Variants in PRR35 observed in about 807,000 individuals in gnomAD.
PRR35 encodes the protein proline-rich protein 35.
A neutral mutation model predicts 18.6 loss-of-function variants in PRR35; 14 were observed. The observed-to-expected ratio is 0.75, with a 90% CI of 0.50 to 1.18. PRR35 has a LOEUF of 1.18. PRR35 is among the 50% of genes most tolerant of loss of function. PRR35 has a pLI of 0.00. For missense variants in PRR35, 832 were observed against 792.2 expected (o/e 1.05, Z -0.60); for synonymous variants, 425 against 378.2 (o/e 1.12, Z -1.43).
rs200978755 is a variant in PRR35 at position 565,243 on chromosome 16, C to A, written c.1652C>A (p.Thr551Lys). Reference protein sequence around the residue: ...PGSGWGTCVATRSSQTPEAVC... With the variant: ...PGSGWGTCVAKRSSQTPEAVC... ...AGTGGCTGGGGCACCTGTGTTGCGACGAGGAGTTCCCAGACCCCTGAGGCT... is the reference window on the plus strand; with the variant it reads ...AGTGGCTGGGGCACCTGTGTTGCGAAGAGGAGTTCCCAGACCCCTGAGGCT... The change falls in exon 3 of 3, where the codon ACG (threonine) becomes AAG (lysine). Residue 551 changes from threonine (T) to lysine (K), a missense_variant. Thr to Lys is a moderately conservative substitution (Grantham distance 78). Transcript: ENST00000409413. The A allele has an allele frequency of 1.9e-6, 3 of 1,600,802 alleles. No homozygotes were observed. Among genetic ancestry groups the A allele is most frequent in the Non-Finnish European group, 2.6e-6 (3 of 1,174,278 alleles).
Position 563,495 on chromosome 16 carries a change from G to T in PRR35, c.201G>T (p.Leu67=), listed in dbSNP as rs867681258. 2.5e-6 allele frequency: 4 copies of T among 1,612,418 alleles called. No individual in the cohort carries two copies. In the Middle Eastern group the frequency reaches 6.6e-4, roughly 266 times the overall value. ...GCCTCTGCAAGGACTCCCTGTCCCT[G>T]CTGCTAGACTCCCCAGACTGGGCGT... ...KYSLCKDSLS[L]LLDSPDWACR... is the part of the protein sequence containing the mutation. Residue 67 remains leucine (L), a synonymous_variant, in exon 2 of 3, where the codon CTG becomes CTT. Coordinates refer to ENST00000409413, the MANE Select transcript of PRR35 (RefSeq NM_145270.3).
Position 563,601 on chromosome 16 carries a change from C to A in PRR35, c.307C>A (p.Gln103Lys). 1.3e-6 allele frequency: 2 copies of A among 1,593,230 alleles called. No individual in the cohort carries two copies. Among genetic ancestry groups the A allele is most frequent in the Non-Finnish European group, 1.7e-6 (2 of 1,173,888 alleles). ...GGAGTCCGACCCCGGCAGGCAACCC[C>A]AGGGAGCACGGCCCACAGGTGCTGC... ...PGESDPGRQPQGARPTGAAPA... is the reference protein window; with the variant it reads ...PGESDPGRQPKGARPTGAAPA... The change falls in exon 2 of 3, where the codon CAG becomes AAG. Residue 103 changes from glutamine to lysine, a missense_variant. Gln to Lys is a moderately conservative substitution (Grantham distance 53). Around this residue, in one of 3 missense-constraint regions of PRR35, gnomAD observed 768 missense variants for 704.1 expected, o/e 1.09. Coordinates refer to ENST00000409413, the MANE Select transcript of PRR35 (RefSeq NM_145270.3).
Position 564,073 on chromosome 16 carries a change from C to T in PRR35, c.779C>T (p.Pro260Leu), listed in dbSNP as rs754406002. 2.5e-5 allele frequency: 38 copies of T among 1,549,382 alleles called. No homozygotes were observed. The highest frequency in any genetic ancestry group is 5.5e-5 in the African/African-American group (4 of 73,392). Residue 260 changes from proline to leucine, a missense_variant, in exon 2 of 3, where the codon CCG becomes CTG. Transcript: ENST00000409413. ...PAVQPPQRPT[P>L]APRLYYPLLL... The stretch of plus-strand genomic sequence containing the variant: ...GTGCAGCCCCCTCAGCGCCCCACCC[C>T]GGCCCCCCGCCTGTACTACCCGCTG...
chr16:563,410 G>A lies in PRR35; in HGVS notation c.116G>A (p.Cys39Tyr). 6.2e-7 allele frequency: 1 copy of A among 1,612,514 alleles called. No individual in the cohort carries two copies. The highest frequency in any genetic ancestry group is 8.5e-7 in the Non-Finnish European group (1 of 1,179,710). The change falls in exon 2 of 3, where the codon TGC becomes TAC. Residue 39 changes from cysteine (C) to tyrosine (Y), a missense_variant. This residue lies in a region of PRR35 where 56 missense variants were observed against 64.8 expected (regional missense o/e 0.86). Transcript: ENST00000409413. ...RPWGKPYNYK[C>Y]FQCPFTCLEK... Reference sequence around the variant, plus strand: ...TGGGGCAAACCCTACAACTACAAATGCTTCCAGTGCCCCTTCACCTGCCTG... The same window carrying A: ...TGGGGCAAACCCTACAACTACAAATACTTCCAGTGCCCCTTCACCTGCCTG...
In PRR35 at chr16:564,721, C is replaced by A; in HGVS notation, c.1130C>A (p.Pro377Gln). 6.5e-7 allele frequency: 1 copy of A among 1,534,010 alleles called. No individual in the cohort carries two copies. Among genetic ancestry groups the A allele is most frequent in the Non-Finnish European group, 8.7e-7 (1 of 1,146,478 alleles). Residue 377 changes from proline to glutamine, a missense_variant, in exon 3 of 3, where the codon CCA (proline) becomes CAA (glutamine). Pro to Gln is a moderately conservative substitution (Grantham distance 76). Coordinates refer to ENST00000409413, the MANE Select transcript of PRR35 (RefSeq NM_145270.3). ...ATGCTGTGGCCTGAGGACGGGGATC[C>A]AGGCGGCCCTGAGACCCCCGGCCCT... Reference protein sequence around the residue: ...SVMLWPEDGDPGGPETPGPEG... With the variant: ...SVMLWPEDGDQGGPETPGPEG...
intron 1 of PRR35, 68 bp downstream of exon 1, chr16:560,729 G>T (rs1313768600): frequency 1.0e-6 from 1 of 962,732 alleles, no homozygotes; most frequent in East Asian, 1.2e-4. Context: ...GCGGGGCGCG[G>T]GGGCAGCGGG....
Position 563,378 on chromosome 16 carries a change from G to T in PRR35, c.84G>T (p.Pro28=), listed in dbSNP as rs371845058. The T allele has an allele frequency of 3.0e-5, 48 of 1,612,214 alleles. No individual in the cohort carries two copies. Among genetic ancestry groups the T allele is most frequent in the Non-Finnish European group, 3.9e-5 (46 of 1,179,684 alleles). ...AGCCCAAGAAGCCACACTACATCCC[G>T]CGGCCCTGGGGCAAACCCTACAACT... is the stretch of plus-strand genomic sequence containing the variant. ...SRKPKKPHYI[P]RPWGKPYNYK... Residue 28 remains proline (P), a synonymous_variant, in exon 2 of 3, where the codon CCG becomes CCT. Coordinates refer to ENST00000409413, the MANE Select transcript of PRR35 (RefSeq NM_145270.3).
rs1404672065 is a variant in PRR35, at chr16:564,367, C to G, written c.1073C>G (p.Ser358Cys). 1 of 1,589,292 alleles carries G rather than the reference C, an allele frequency of 6.3e-7. No homozygotes were observed. The highest frequency in any genetic ancestry group is 1.7e-5 in the Admixed American group (1 of 58,626). The stretch of plus-strand genomic sequence containing the variant: ...TCCCCCAGCCTGACAAGGTTCTGTT[C>G]CCGGAGCAGGTGGGCGTCTTGGGCT... ...KASPSLTRFCSRSSLPTGSSV... is the reference protein window; with the variant it reads ...KASPSLTRFCCRSSLPTGSSV... Residue 358 changes from serine (S) to cysteine (C), a missense_variant, in exon 2 of 3, where the codon TCC becomes TGC. Coordinates refer to ENST00000409413, the MANE Select transcript of PRR35 (RefSeq NM_145270.3).
intron 1 of PRR35, among the ~76,000 whole-genome samples, chr16:562,846 C>T (rs962729182): frequency 5.9e-5 from 9 of 152,240 alleles, no homozygotes; most frequent in African/African-American, 1.9e-4. Flanking sequence ...GCCAGCAAGT[C>T]GGCCTGGCCT....
rs1383124235 is a variant in PRR35, at chr16:563,842, C to T, written c.548C>T (p.Pro183Leu). Residue 183 changes from proline to leucine, a missense_variant, in exon 2 of 3, where the codon CCT becomes CTT. Transcript: ENST00000409413. ...GCGGGGGACATGGCCTCAGCAGGCC[C>T]TGAGGGCAGCGTCCCCTGCTATCCC... is the stretch of plus-strand genomic sequence containing the variant. ...VGAGDMASAG[P>L]EGSVPCYPPP... The T allele has an allele frequency of 6.6e-7, 1 of 1,524,114 alleles. No individual in the cohort carries two copies. The highest frequency in any genetic ancestry group is 1.2e-5 in the South Asian group (1 of 80,428). The allele number at this position is 1,524,114 out of a possible 1,614,324, so 94.4% of individuals were successfully genotyped here.
chr16:564,630 G>A lies in PRR35; in HGVS notation c.1083-44G>A, dbSNP rs12919048. 5.3e-4 allele frequency: 776 copies of A among 1,476,550 alleles called. 3 individuals carry two copies. In the African/African-American group the frequency reaches 8.5e-3, roughly 16 times the overall value. 91.5% of individuals were successfully genotyped at this position (1,476,550 alleles called of 1,614,324 possible). A position where few individuals can be genotyped will look rare whatever the true frequency, so the allele number is the denominator to read the frequency against. Reference sequence around the variant, plus strand: ...GGGGAGAGGGGCAGGGGCCGGGGGCGCTGTGGGGGCAGTGCGGCCTCCTGA... The same window carrying A: ...GGGGAGAGGGGCAGGGGCCGGGGGCACTGTGGGGGCAGTGCGGCCTCCTGA... On this transcript the variant is annotated intron_variant, in intron 2 of 2. Coordinates refer to ENST00000409413, the MANE Select transcript of PRR35 (RefSeq NM_145270.3).
At chr16:561,347 G>C (rs891541473) in intron 1 of PRR35, among the ~76,000 whole-genome samples, 5 of 152,200 alleles carry the variant, frequency 3.3e-5, no homozygotes, top group African/African-American at 1.2e-4. Context: ...TTGTGGCATC[G>C]GCTGGCACAG....
Position 563,273 on chromosome 16 carries a change from C to A in PRR35, c.-22C>A. The A allele has an allele frequency of 6.3e-7, 1 of 1,582,414 alleles. No homozygotes were observed. Among genetic ancestry groups the A allele is most frequent in the Admixed American group, 1.7e-5 (1 of 58,010 alleles). On this transcript the variant is annotated 5_prime_UTR_variant, in exon 2 of 3. Transcript: ENST00000409413. ...ATCTACAGGTGGCCATGGTGCCCGG[C>A]CCTGCCTCATAGCAGGCTGCCATGT... is the stretch of plus-strand genomic sequence containing the variant.
At position 564,992 on chromosome 16, in the gene PRR35, C is replaced by T; in HGVS notation, c.1401C>T (p.Leu467=). The change falls in exon 3 of 3, where the codon CTC becomes CTT. Residue 467 remains leucine (L), a synonymous_variant. Coordinates refer to ENST00000409413, the MANE Select transcript of PRR35 (RefSeq NM_145270.3). ...AVRPPDAPLD[L]SVKRAPAKGP... is the part of the protein sequence containing the mutation. ...GGCCGCCAGACGCACCCCTCGACCT[C>T]TCTGTGAAACGTGCGCCCGCCAAGG... The T allele has an allele frequency of 1.9e-6, 3 of 1,607,370 alleles. No homozygotes were observed. Among genetic ancestry groups the T allele is most frequent in the African/African-American group, 2.7e-5 (2 of 74,904 alleles).
chr16:560,818 G>C, intron 1 of PRR35, 157 bp downstream of exon 1: 1 of 491,938 alleles, frequency 2.0e-6, no homozygotes, highest in Non-Finnish European at 2.6e-6. Context: ...AGCGCGGGGG[G>C]AGGGAGGGCC....
Position 564,254 on chromosome 16 carries a change from A to G in PRR35, c.960A>G (p.Pro320=). 1 of 1,577,780 alleles carries G rather than the reference A, an allele frequency of 6.3e-7. No individual in the cohort carries two copies. Among genetic ancestry groups the G allele is most frequent in the Non-Finnish European group, 8.6e-7 (1 of 1,166,940 alleles). ...GGCCCCGAGTCACCCCCAGGGACCC[A>G]GGGCAGGAGGGGGAGCTGGAGCGGG... is the stretch of plus-strand genomic sequence containing the variant. ...GPWPRVTPRD[P]GQEGELERAA... Residue 320 remains proline (P), a synonymous_variant, in exon 2 of 3, where the codon CCA becomes CCG. Coordinates refer to ENST00000409413, the MANE Select transcript of PRR35 (RefSeq NM_145270.3).
Position 564,010 on chromosome 16 carries a change from C to A in PRR35, c.716C>A (p.Ala239Asp). ...GCCCATGTGCCCTTCCTGGCCTCGG[C>A]CAGCCCCCTGCTGCCCCCGGCCACG... The part of the protein sequence containing the change: ...AAAHVPFLAS[A>D]SPLLPPATAF... The change falls in exon 2 of 3, where the codon GCC becomes GAC. Residue 239 changes from alanine to aspartate, a missense_variant. By Grantham distance (126) the Ala-to-Asp change is moderately radical (BLOSUM62 -2). Coordinates refer to ENST00000409413, the MANE Select transcript of PRR35 (RefSeq NM_145270.3). The A allele has an allele frequency of 6.3e-7, 1 of 1,596,340 alleles. No homozygotes were observed. Among genetic ancestry groups the A allele is most frequent in the Non-Finnish European group, 8.5e-7 (1 of 1,174,538 alleles).
intron 2 of PRR35, 28 bp downstream of exon 2, chr16:564,404 G>C: frequency 6.3e-7 from 1 of 1,588,076 alleles, no homozygotes; most frequent in Non-Finnish European, 8.5e-7. Context: ...CCGGTTCCTG[G>C]GGTGGACGGA....
rs113719773 is a variant in PRR35, at chr16:565,094, C to G, written c.1503C>G (p.Pro501=). The G allele has an allele frequency of 1.9e-5, 30 of 1,594,298 alleles. No individual in the cohort carries two copies. Among genetic ancestry groups the G allele is most frequent in the Non-Finnish European group, 2.6e-5 (30 of 1,169,726 alleles). ...TGACCGGGGGCACCCCCGAGCCACC[C>G]GGCATGCTGGGCCCTGCAGCGCCCC... ...PVLTGGTPEP[P]GMLGPAAPQP... is the part of the protein sequence containing the mutation. The change falls in exon 3 of 3, where the codon CCC becomes CCG. Residue 501 remains proline (P), a synonymous_variant. Transcript: ENST00000409413.
Sources: allele counts gnomAD v4.1 joint callset (sites outside exome capture counted in the v4.1 genomes callset), GRCh38; gene constraint gnomAD v4.1.1; regional missense constraint gnomAD v4.1.1; transcripts MANE v1.5; gene names NCBI Gene and HGNC (gene_info 2026-07-23, HGNC 2026-07-21).